The following CELF2 variants were observed in gnomAD, a reference collection of about 807,000 sequenced individuals.
CELF2 encodes CUG triplet repeat RNA-binding protein 2.
Under a neutral mutation model 62.6 loss-of-function variants are expected in CELF2, and 8 were observed. That is an observed-to-expected ratio of 0.13 (90% confidence interval 0.07 to 0.23). CELF2 has a LOEUF of 0.23. Among genes scored for constraint, CELF2 ranks in the 10% least tolerant of loss-of-function variants. The pLI is 1.00. For missense variants in CELF2, 333 were observed against 671.0 expected, an observed-to-expected ratio of 0.50 and a Z score of 5.56; for synonymous variants, 258 against 250.0, an observed-to-expected ratio of 1.03 and a Z score of -0.30.
the CELF2 span, among the ~76,000 whole-genome samples, chr10:10,665,538 C>T: frequency 6.6e-6 from 1 of 152,144 alleles, no homozygotes; most frequent in Non-Finnish European, 1.5e-5. Flanking sequence ...GTTGTCCACC[C>T]TGGACATAGA....
At chr10:10,727,148 G>T in the CELF2 span, among the ~76,000 whole-genome samples, 5 of 152,202 alleles carry the variant, frequency 3.3e-5, no homozygotes, top group Non-Finnish European at 7.3e-5. Flanking sequence ...GGAGATTACA[G>T]TTGAACATGA....
At chr10:11,044,263 A>G (rs758278241) in intron 1 of CELF2, among the ~76,000 whole-genome samples, 1 of 152,102 alleles carries the variant, frequency 6.6e-6, no homozygotes, top group Non-Finnish European at 1.5e-5. Flanking sequence ...CTGGGATGGG[A>G]GCCCCGAAAC....
At chr10:11,317,752 G>C (rs2095134975) in intron 10 of CELF2, 1 of 152,252 alleles carries the variant, frequency 6.6e-6, no homozygotes, top group South Asian at 2.1e-4. Flanking sequence ...CCCAGCTCCT[G>C]GGTCTCTATT....
At chr10:10,766,800 G>A in the CELF2 span, among the ~76,000 whole-genome samples, 3 of 152,148 alleles carry the variant, frequency 2.0e-5, no homozygotes, top group African/African-American at 7.2e-5. Context: ...CCACTTCAAT[G>A]GTGACTTCTC....
At chr10:10,541,248 A>C in the CELF2 span, among the ~76,000 whole-genome samples, 1 of 151,098 alleles carries the variant, frequency 6.6e-6, no homozygotes, top group Non-Finnish European at 1.5e-5. Context: ...ATCTCAAAAA[A>C]AAAAAAAAAA....
At position 10,928,808 on chromosome 10, in the gene CELF2, G is replaced by A. The variant is rs559905901; in HGVS notation, c.89+8809G>A. 8.6e-5 allele frequency among the ~76,000 whole-genome samples: 13 copies of A among 152,030 alleles called. No homozygotes were observed. Among genetic ancestry groups the A allele is most frequent in the African/African-American group, 1.2e-4 (5 of 41,378 alleles). ...ACTAGAGGACTTTTACACCTTCTCC[G>A]CTAAGTAGGAAACACACTAAAATCC... On this transcript the variant is annotated intron_variant, in intron 2 of 13. Transcript: ENST00000636488. The surrounding 1 kb of genome is among the most constrained non-coding windows in gnomAD (Gnocchi z 4.8).
the CELF2 span, among the ~76,000 whole-genome samples, chr10:10,509,392 G>A: frequency 6.6e-6 from 1 of 152,126 alleles, no homozygotes; most frequent in Non-Finnish European, 1.5e-5. Flanking sequence ...TAAAGGTGGG[G>A]CCCTTATGAA....
intron 1 of CELF2, among the ~76,000 whole-genome samples, chr10:10,851,236 C>A (rs1457616272): frequency 6.6e-6 from 1 of 152,158 alleles, no homozygotes; most frequent in Non-Finnish European, 1.5e-5. Flanking sequence ...AATAGTTTGG[C>A]CATTTCTTAT....
At chr10:10,486,120 G>A in the CELF2 span, among the ~76,000 whole-genome samples, 3 of 152,226 alleles carry the variant, frequency 2.0e-5, no homozygotes, top group East Asian at 1.9e-4. Context: ...TTATTCTCCC[G>A]GAAATGTCAA....
At chr10:11,164,913 C>G (rs2066601717) in intron 1 of CELF2, 1 of 265,236 alleles carries the variant, frequency 3.8e-6, no homozygotes, top group Non-Finnish European at 5.8e-6. Flanking sequence ...CTCGCGCACT[C>G]TGCAAATTCA....
At chr10:10,545,543 G>C in the CELF2 span, among the ~76,000 whole-genome samples, 1 of 151,998 alleles carries the variant, frequency 6.6e-6, no homozygotes, top group African/African-American at 2.4e-5. Context: ...ACATTATTCT[G>C]GAAAATGCGG....
the CELF2 span, among the ~76,000 whole-genome samples, chr10:10,674,104 A>AT: frequency 6.6e-6 from 1 of 152,154 alleles, no homozygotes; most frequent in Non-Finnish European, 1.5e-5. Flanking sequence ...GGATCTGTGA[A>AT]TTGCTGATAG....
chr10:10,735,346 G>C, the CELF2 span, among the ~76,000 whole-genome samples: 1 of 152,036 alleles, frequency 6.6e-6, no homozygotes, highest in Non-Finnish European at 1.5e-5. Flanking sequence ...AATCTCATCC[G>C]TGCCATATTT....
intron 3 of CELF2, among the ~76,000 whole-genome samples, chr10:11,239,729 G>T (rs1448475845): frequency 6.6e-6 from 1 of 152,000 alleles, no homozygotes; most frequent in African/African-American, 2.4e-5. Context: ...AACTGGCTTA[G>T]ATCACTTTTA....
At chr10:10,597,443 T>C in the CELF2 span, among the ~76,000 whole-genome samples, 1 of 152,076 alleles carries the variant, frequency 6.6e-6, no homozygotes, top group Admixed American at 6.6e-5. Flanking sequence ...GTGGACAGAG[T>C]CCTCAAAGTT....
At chr10:10,671,182 A>G in the CELF2 span, among the ~76,000 whole-genome samples, 41 of 149,464 alleles carry the variant, frequency 2.7e-4, no homozygotes, top group South Asian at 8.8e-4. Flanking sequence ...AAAAAAAAAA[A>G]AGAGAAAAGA....
At chr10:10,683,731 G>A in the CELF2 span, among the ~76,000 whole-genome samples, 1 of 152,150 alleles carries the variant, frequency 6.6e-6, no homozygotes, top group African/African-American at 2.4e-5. Context: ...CATATATGAT[G>A]GGCTTGGTTA....
chr10:10,629,183 A>G, the CELF2 span, among the ~76,000 whole-genome samples: 5 of 152,096 alleles, frequency 3.3e-5, no homozygotes, highest in Admixed American at 6.5e-5. Context: ...AGATTTTTCC[A>G]TAATAAAACA....
rs549337767 is a variant in CELF2 at position 11,247,376 on chromosome 10, G to A, written c.355-1777G>A. On this transcript the variant is annotated intron_variant, in intron 3 of 12. Coordinates refer to ENST00000633077, the MANE Select transcript of CELF2 (RefSeq NM_001326342.2). This position sits in a 1 kb window ranked among gnomAD's most constrained non-coding sequence, Gnocchi z 5.4. ...TCCTGGGTCACTGCGGGGCTGCCCC[G>A]TGAGTTTCACATGCCGGCCCCCCTT... Among the ~76,000 whole-genome samples the A allele has an allele frequency of 2.6e-5, 4 of 152,302 alleles. No homozygotes were observed. Among genetic ancestry groups the A allele is most frequent in the South Asian group, 2.1e-4 (1 of 4,824 alleles).
Sources: allele counts gnomAD v4.1 joint callset (sites outside exome capture counted in the v4.1 genomes callset), GRCh38; gene constraint gnomAD v4.1.1; non-coding constraint Gnocchi (gnomAD v3.1); transcripts MANE v1.5; gene names NCBI Gene and HGNC (gene_info 2026-07-23, HGNC 2026-07-21).